Variants in IPCEF1 observed in about 807,000 individuals in gnomAD.
IPCEF1 encodes interactor protein for cytohesin exchange factors 1.
IPCEF1 carries 31 observed loss-of-function variants against 50.9 expected under a neutral mutation model. The observed-to-expected ratio is 0.61, with a 90% confidence interval of 0.46 to 0.82. IPCEF1 has a LOEUF of 0.82. Among genes scored for constraint, IPCEF1 ranks in the 40% least tolerant of loss-of-function variants. The probability of loss-of-function intolerance (pLI) is 0.00; values close to 1 mark genes in which losing one functional copy is unlikely to be tolerated. For synonymous variants in IPCEF1, 181 were observed against 192.0 expected (o/e 0.94, Z 0.47); for missense variants, 458 against 514.0 (o/e 0.89, Z 1.05).
At chr6:154,268,646 T>C (rs895701907) in intron 2 of IPCEF1, among the ~76,000 whole-genome samples, 5 of 152,184 alleles carry the variant, frequency 3.3e-5, no homozygotes, top group Non-Finnish European at 7.3e-5. Flanking sequence ...AAGATCAAAA[T>C]TGTGAAAACT....
chr6:154,266,737 T>C (rs900545732), intron 2 of IPCEF1, among the ~76,000 whole-genome samples: 1 of 152,038 alleles, frequency 6.6e-6, no homozygotes, highest in African/African-American at 2.4e-5. Context: ...CAAACTTTAA[T>C]AGCAAGATAG....
At chr6:154,249,918 TG>T (rs5881070) in intron 3 of IPCEF1, among the ~76,000 whole-genome samples, 95,716 of 147,172 alleles carry the variant, frequency 0.65, 31,156 homozygotes, top group Admixed American at 0.74. Context: ...GCTTTTTTTT[TG>T]TTTGTTTTTA....
intron 11 of IPCEF1, among the ~76,000 whole-genome samples, chr6:154,162,932 C>T (rs1799141034): frequency 6.6e-6 from 1 of 152,172 alleles, no homozygotes; most frequent in African/African-American, 2.4e-5. Flanking sequence ...TTCCAATGCA[C>T]ACCAAACCCG....
intron 1 of IPCEF1, among the ~76,000 whole-genome samples, chr6:154,320,879 T>A (rs189736155): frequency 6.6e-6 from 1 of 152,218 alleles, no homozygotes; most frequent in South Asian, 2.1e-4. Flanking sequence ...TAGACATATA[T>A]AGAGAGACAC....
At chr6:154,296,693 G>A (rs905362841) in intron 1 of IPCEF1, among the ~76,000 whole-genome samples, 1 of 152,016 alleles carries the variant, frequency 6.6e-6, no homozygotes, top group Non-Finnish European at 1.5e-5. Flanking sequence ...GCCAGGCATG[G>A]TGGCGGGCGC....
chr6:154,345,854 AT>A (rs11314832), intron 1 of IPCEF1, among the ~76,000 whole-genome samples: 82,434 of 151,606 alleles, frequency 0.54, 23,347 homozygotes, highest in Non-Finnish European at 0.64. Context: ...CTTTTATCTC[AT>A]TTTTTTTGTA....
intron 1 of IPCEF1, among the ~76,000 whole-genome samples, chr6:154,295,485 CACCT>C (rs1782625249): frequency 2.6e-5 from 4 of 152,140 alleles, no homozygotes; most frequent in Admixed American, 6.5e-5. Context: ...CACACACACA[CACCT>C]CTTTCTGCTC....
At chr6:154,192,633 A>G (rs905119396) in intron 10 of IPCEF1, among the ~76,000 whole-genome samples, 1 of 139,512 alleles carries the variant, frequency 7.2e-6, no homozygotes, top group Non-Finnish European at 1.6e-5. Context: ...ACCAATATCC[A>G]GAATCTACAA....
At position 154,221,402 on chromosome 6, in the gene IPCEF1, T is replaced by C. The variant is rs1453317712; in HGVS notation, c.321-74A>G. The C allele has an allele frequency of 6.1e-6, 7 of 1,138,336 alleles. No homozygotes were observed. The East Asian group carries it at 1.4e-4, about 24-fold the overall frequency. The allele number at this position is 1,138,336 out of a possible 1,614,324, so 70.5% of individuals were successfully genotyped here. A position where few individuals can be genotyped will look rare whatever the true frequency, so the allele number is the denominator to read the frequency against. On this transcript the variant is annotated intron_variant, in intron 6 of 11. Coordinates refer to ENST00000367220, the MANE Select transcript of IPCEF1 (RefSeq NM_001130700.2). Reference sequence around the variant, plus strand: ...AACAATGGGTCTGAAAGTAAATCAGTAAAATACAAGCTTTGTAAACTTGTC... The same window carrying C: ...AACAATGGGTCTGAAAGTAAATCAGCAAAATACAAGCTTTGTAAACTTGTC...
chr6:154,163,379 T>C (rs1046332473), intron 11 of IPCEF1, among the ~76,000 whole-genome samples: 2 of 152,224 alleles, frequency 1.3e-5, no homozygotes, highest in African/African-American at 4.8e-5. Flanking sequence ...CCTTTCCTTT[T>C]TCAGATTTTA....
At chr6:154,239,251 A>G (rs575912037) in intron 5 of IPCEF1, among the ~76,000 whole-genome samples, 19 of 152,354 alleles carry the variant, frequency 1.2e-4, no homozygotes, top group African/African-American at 4.6e-4. Context: ...AGTTATTGAG[A>G]ACTGCCCATC....
intron 3 of IPCEF1, among the ~76,000 whole-genome samples, chr6:154,262,295 T>C (rs1350703871): frequency 2.6e-5 from 4 of 152,208 alleles, no homozygotes; most frequent in African/African-American, 9.6e-5. Flanking sequence ...GGGAAACAGG[T>C]TACCTATTAT....
At chr6:154,202,390 C>G (rs1777142654) in intron 9 of IPCEF1, among the ~76,000 whole-genome samples, 1 of 152,102 alleles carries the variant, frequency 6.6e-6, no homozygotes, top group African/African-American at 2.4e-5. Flanking sequence ...GCACTACCCC[C>G]AAATTGTCCA....
At chr6:154,320,402 G>A (rs1450167978) in intron 1 of IPCEF1, among the ~76,000 whole-genome samples, 19 of 152,172 alleles carry the variant, frequency 1.2e-4, no homozygotes, top group Admixed American at 1.2e-3. Context: ...AAAAAGAGAT[G>A]AGACTCAATG....
intron 1 of IPCEF1, among the ~76,000 whole-genome samples, chr6:154,320,827 C>A (rs1783354472): frequency 6.6e-6 from 1 of 152,042 alleles, no homozygotes; most frequent in South Asian, 2.1e-4. Flanking sequence ...GGCAACATAG[C>A]AAGACCTCAC....
In IPCEF1 at chr6:154,350,789, T is replaced by C. The variant is rs138249681; in HGVS notation, c.-62+5883A>G. 3.0e-4 allele frequency among the ~76,000 whole-genome samples: 46 copies of C among 152,334 alleles called. No homozygotes were observed. The East Asian group carries it at 8.7e-3, about 29-fold the overall frequency. ...AGGCTGTACACCAGTGGCACAATCATAGCTCACTGCAGCTTCAAACTCCTA... is the reference window on the plus strand; with the variant it reads ...AGGCTGTACACCAGTGGCACAATCACAGCTCACTGCAGCTTCAAACTCCTA... On this transcript the variant is annotated intron_variant, in intron 1 of 11. Coordinates refer to ENST00000367220, the MANE Select transcript of IPCEF1 (RefSeq NM_001130700.2).
At chr6:154,228,993 G>A (rs1289011478) in intron 5 of IPCEF1, among the ~76,000 whole-genome samples, 9 of 152,202 alleles carry the variant, frequency 5.9e-5, no homozygotes, top group African/African-American at 4.8e-5. Context: ...CATTCCCCTA[G>A]ATAAGTTTCC....
chr6:154,261,191 C>T (rs530518700), intron 3 of IPCEF1, among the ~76,000 whole-genome samples: 11 of 152,104 alleles, frequency 7.2e-5, no homozygotes, highest in African/African-American at 1.2e-4. Context: ...TGAACCAATA[C>T]GCCTGGCTAT....
intron 10 of IPCEF1, among the ~76,000 whole-genome samples, chr6:154,187,577 G>A (rs1474134850): frequency 6.6e-6 from 1 of 152,164 alleles, no homozygotes; most frequent in Non-Finnish European, 1.5e-5. Flanking sequence ...AGTAGTTATT[G>A]AAAAACATGT....
Sources: allele counts gnomAD v4.1 joint callset (sites outside exome capture counted in the v4.1 genomes callset), GRCh38; gene constraint gnomAD v4.1.1; transcripts MANE v1.5; gene names NCBI Gene and HGNC (gene_info 2026-07-23, HGNC 2026-07-21).